USP48: variants seen among roughly 807,000 people sequenced by gnomAD.
The protein encoded by USP48 is ubiquitin carboxyl-terminal hydrolase 48.
Under a neutral mutation model 150.7 loss-of-function variants are expected in USP48, and 43 were observed. That is an observed-to-expected ratio of 0.29 (90% CI 0.22 to 0.37). The LOEUF (loss-of-function observed/expected upper bound fraction) is 0.37, where lower values mean the gene tolerates loss of function less well. USP48 is among the 10% of genes least tolerant of loss of function. The probability of loss-of-function intolerance (pLI) is 1.00; values close to 1 mark genes in which losing one functional copy is unlikely to be tolerated. For synonymous variants in USP48, 396 were observed against 425.9 expected, an observed-to-expected ratio of 0.93 and a Z score of 0.86; for missense variants, 813 against 1,249.6, an observed-to-expected ratio of 0.65 and a Z score of 5.27.
At chr1:21,700,821 C>T (rs954446025) in intron 22 of USP48, among the ~76,000 whole-genome samples, 40 of 152,162 alleles carry the variant, frequency 2.6e-4, no homozygotes, top group African/African-American at 8.7e-4. Flanking sequence ...CGCCTATAAT[C>T]CCAGCACTTT....
chr1:21,776,308 G>C (rs2152653073), intron 1 of USP48, among the ~76,000 whole-genome samples: 1 of 152,098 alleles, frequency 6.6e-6, no homozygotes, highest in East Asian at 1.9e-4. Context: ...TGACACATGT[G>C]GTCTTTGAAT....
At chr1:21,699,488 G>A (rs527973353) in intron 22 of USP48, among the ~76,000 whole-genome samples, 14 of 151,082 alleles carry the variant, frequency 9.3e-5, no homozygotes, top group Non-Finnish European at 1.2e-4. Context: ...ATGAGCCACC[G>A]TGCCTGGCCT....
intron 11 of USP48, 172 bp from the exon 12 acceptor site, chr1:21,724,267 T>C (rs1241872799): frequency 1.5e-6 from 1 of 676,780 alleles, no homozygotes; most frequent in African/African-American, 1.8e-5. Context: ...TCCAGTTAAG[T>C]GCCACTCCTA....
intron 8 of USP48, among the ~76,000 whole-genome samples, chr1:21,737,814 CTT>C (rs2097771871): frequency 6.6e-6 from 1 of 151,948 alleles, no homozygotes; most frequent in Non-Finnish European, 1.5e-5. Context: ...TTAATGAACA[CTT>C]ATTTAAACTG....
chr1:21,774,990 A>AAAAT (rs147019343), intron 1 of USP48, among the ~76,000 whole-genome samples: 4,760 of 146,072 alleles, frequency 0.033, 101 homozygotes, highest in Non-Finnish European at 0.038. Context: ...GACTCTCTCA[A>AAAAT]AAATAAATAA....
chr1:21,782,868 G>A lies in USP48; in HGVS notation c.90C>T (p.Thr30=), dbSNP rs1383960870. 19 of 1,560,686 alleles carry A rather than the reference G, an allele frequency of 1.2e-5. No homozygotes were observed. The highest frequency in any genetic ancestry group is 5.7e-5 in the Admixed American group (3 of 52,598). The change falls in exon 1 of 27, where the codon ACC becomes ACT. Residue 30 remains threonine (T), a synonymous_variant. Transcript: ENST00000308271. The stretch of plus-strand genomic sequence containing the variant: ...AGGGCTCCAGCCAGATGCGGTAAGC[G>A]GTCTCGATGTGCTCCTGCGACACCT... ...PEEVSQEHIE[T]AYRIWLEPCI... is the part of the protein sequence containing the mutation.
chr1:21,741,480 A>C (rs2097781510), intron 8 of USP48, among the ~76,000 whole-genome samples: 3 of 152,242 alleles, frequency 2.0e-5, no homozygotes, highest in African/African-American at 7.2e-5. Context: ...CTTTCAGACA[A>C]TAATATGTGA....
chr1:21,757,869 T>C (rs2097840810), intron 1 of USP48, 86 bp from the exon 2 acceptor site: 1 of 1,420,340 alleles, frequency 7.0e-7, no homozygotes, highest in African/African-American at 1.4e-5. Context: ...GAGATACCAC[T>C]TCTCATCTAT....
At chr1:21,781,352 T>C (rs892510788) in intron 1 of USP48, among the ~76,000 whole-genome samples, 1 of 152,080 alleles carries the variant, frequency 6.6e-6, no homozygotes, top group African/African-American at 2.4e-5. Flanking sequence ...GGCAGGAGAA[T>C]CGCTTGAACC....
chr1:21,762,865 CAAAAAAAAAA>C (rs34834573), intron 1 of USP48, among the ~76,000 whole-genome samples: 2 of 76,350 alleles, frequency 2.6e-5, no homozygotes, highest in African/African-American at 4.5e-5. Flanking sequence ...GACTTCATCT[CAAAAAAAAAA>C]AAAAAAAAAA....
At chr1:21,763,922 A>C (rs960605303) in intron 1 of USP48, among the ~76,000 whole-genome samples, 1 of 152,222 alleles carries the variant, frequency 6.6e-6, no homozygotes. Flanking sequence ...AGCCAGCCTT[A>C]GCAGCACAGC....
rs144472568 is a variant in USP48 at position 21,724,605 on chromosome 1, C to T, written c.1451-510G>A. On this transcript the variant is annotated intron_variant, in intron 11 of 26. Coordinates refer to ENST00000308271, the MANE Select transcript of USP48 (RefSeq NM_032236.8). ...CCGACTATGACCACACTTCAGAAGA[C>T]GCTTTTAACCACTGAACTTTCTTCA... 314 of 158,606 alleles carry T rather than the reference C, an allele frequency of 2.0e-3. 1 individual carries two copies. Among genetic ancestry groups the T allele is most frequent in the African/African-American group, 7.1e-3 (296 of 41,734 alleles). 9.8% of individuals were successfully genotyped at this position (158,606 alleles called of 1,614,324 possible).
chr1:21,760,582 C>T (rs1303188533), intron 1 of USP48, among the ~76,000 whole-genome samples: 2 of 151,932 alleles, frequency 1.3e-5, no homozygotes, highest in East Asian at 1.9e-4. Flanking sequence ...GGAGTGGTGG[C>T]GGGAGCCTGT....
chr1:21,778,159 CA>C lies in USP48; in HGVS notation c.134+4664del, dbSNP rs369157378. ...CTCCGTCTGAAAAAAAAAAACAAAA[CA>C]AAAACAAGACCAAAAAAAGATCACA... On this transcript the variant is annotated intron_variant, in intron 1 of 26. Coordinates refer to ENST00000308271, the MANE Select transcript of USP48 (RefSeq NM_032236.8). Among the ~76,000 whole-genome samples, 9 of 149,158 alleles carry C rather than the reference CA, an allele frequency of 6.0e-5. 1 individual carries two copies. Among genetic ancestry groups the C allele is most frequent in the African/African-American group, 2.0e-4 (8 of 40,720 alleles).
intron 9 of USP48, 157 bp downstream of exon 9, chr1:21,736,289 A>T: frequency 1.3e-6 from 1 of 759,150 alleles, no homozygotes; most frequent in Non-Finnish European, 2.0e-6. Flanking sequence ...AAGCATTGCT[A>T]ATACAAGATG....
chr1:21,723,817 C>G (rs2097728804), intron 12 of USP48, 81 bp downstream of exon 12: 1 of 1,289,212 alleles, frequency 7.8e-7, no homozygotes, highest in Non-Finnish European at 1.1e-6. Flanking sequence ...GTCAAATCAT[C>G]ATAAGCCACA....
chr1:21,773,178 C>T (rs1198427024), intron 1 of USP48, among the ~76,000 whole-genome samples: 2 of 149,610 alleles, frequency 1.3e-5, no homozygotes, highest in Admixed American at 6.7e-5. Context: ...TCGCTTGAAC[C>T]CAGGAAGCAG....
chr1:21,701,610 T>C lies in USP48; in HGVS notation c.2623-8A>G. The C allele has an allele frequency of 6.2e-7, 1 of 1,613,092 alleles. No individual in the cohort carries two copies. The highest frequency in any genetic ancestry group is 8.5e-7 in the Non-Finnish European group (1 of 1,179,248). On this transcript the variant is annotated splice_region_variant and splice_polypyrimidine_tract_variant and intron_variant, in intron 21 of 26. Transcript: ENST00000308271. ...AGCCGAATCCTTCATCACCTGAATG[T>C]GCCAGGACAACAAAGAGAAGTAGGT...
At chr1:21,742,584 A>G (rs536836384) in intron 8 of USP48, among the ~76,000 whole-genome samples, 31 of 147,570 alleles carry the variant, frequency 2.1e-4, no homozygotes, top group African/African-American at 7.2e-4. Context: ...AAAGAAAAAG[A>G]AAAGAAAAGA....
Sources: gnomAD v4.1 joint callset for allele counts (sites outside exome capture counted in the v4.1 genomes callset) on GRCh38, gnomAD v4.1.1 for gene constraint, MANE v1.5 for transcripts, NCBI Gene and HGNC (gene_info 2026-07-23, HGNC 2026-07-21) for gene names.